SLC35D4: variants seen among roughly 807,000 people sequenced by gnomAD.
The protein encoded by SLC35D4 is UDP-N-acetylglucosamine transporter SLC35D4.
At chr18:23,383,821 C>T in the SLC35D4 span, among the ~76,000 whole-genome samples, 67 of 151,938 alleles carry the variant, frequency 4.4e-4, no homozygotes, top group Non-Finnish European at 8.8e-4. Context: ...AAGCCAGTGA[C>T]GAGGGAGAGG....
chr18:23,355,648 C>T, the SLC35D4 span, among the ~76,000 whole-genome samples: 1 of 151,396 alleles, frequency 6.6e-6, no homozygotes, highest in Non-Finnish European at 1.5e-5. Context: ...ACCCACTAGC[C>T]ACATAGCAGC....
At chr18:23,379,808 C>T in the SLC35D4 span, among the ~76,000 whole-genome samples, 1 of 152,010 alleles carries the variant, frequency 6.6e-6, no homozygotes, top group Non-Finnish European at 1.5e-5. Context: ...AGTCATGCTG[C>T]CAAAGGGCTA....
At chr18:23,414,226 C>G in the SLC35D4 span, among the ~76,000 whole-genome samples, 1 of 150,596 alleles carries the variant, frequency 6.6e-6, no homozygotes, top group South Asian at 2.1e-4. Flanking sequence ...TGCACTCCAG[C>G]CTGAGCAACA....
At chr18:23,391,461 C>T in the SLC35D4 span, among the ~76,000 whole-genome samples, 1 of 152,148 alleles carries the variant, frequency 6.6e-6, no homozygotes, top group Non-Finnish European at 1.5e-5. Flanking sequence ...CACTGAGTCA[C>T]CCAGCCTACC....
At chr18:23,428,292 A>G in the SLC35D4 span, among the ~76,000 whole-genome samples, 1 of 152,340 alleles carries the variant, frequency 6.6e-6, no homozygotes. Context: ...GATCATATGC[A>G]TAAGAAAATT....
At chr18:23,365,752 G>C in the SLC35D4 span, 1 of 1,523,152 alleles carries the variant, frequency 6.6e-7, no homozygotes, top group Non-Finnish European at 9.0e-7. Context: ...CTTGGAAATA[G>C]TTAAATATGC....
chr18:23,308,845 G>T, the SLC35D4 span, among the ~76,000 whole-genome samples: 1 of 131,992 alleles, frequency 7.6e-6, no homozygotes, highest in African/African-American at 3.0e-5. Context: ...CACAGCACGT[G>T]TTTTCTCTCT....
chr18:23,421,557 T>G, the SLC35D4 span: 1 of 842,208 alleles, frequency 1.2e-6, no homozygotes, highest in South Asian at 1.5e-5. Context: ...CTCTATTTAC[T>G]ACTCTTTTCT....
At chr18:23,335,654 C>G in the SLC35D4 span, among the ~76,000 whole-genome samples, 1 of 152,186 alleles carries the variant, frequency 6.6e-6, no homozygotes, top group Non-Finnish European at 1.5e-5. Context: ...CCACCTTTCT[C>G]TGTTTCTGAC....
the SLC35D4 span, among the ~76,000 whole-genome samples, chr18:23,343,928 C>T: frequency 9.9e-4 from 143 of 145,124 alleles, no homozygotes; most frequent in Non-Finnish European, 1.3e-3. Context: ...GATGGAGTTT[C>T]GCTCTTGTTG....
At chr18:23,320,012 G>T in the SLC35D4 span, among the ~76,000 whole-genome samples, 1 of 152,162 alleles carries the variant, frequency 6.6e-6, no homozygotes, top group South Asian at 2.1e-4. Context: ...TGTGGGGTTT[G>T]GGAGCTTCTT....
chr18:23,309,240 G>A, the SLC35D4 span, among the ~76,000 whole-genome samples: 1 of 150,914 alleles, frequency 6.6e-6, no homozygotes, highest in African/African-American at 2.4e-5. Context: ...GTGTGTGTGT[G>A]TGTGTGTGTG....
At chr18:23,435,166 A>G in the SLC35D4 span, among the ~76,000 whole-genome samples, 7 of 152,118 alleles carry the variant, frequency 4.6e-5, no homozygotes, top group African/African-American at 1.7e-4. Context: ...TCAGAAAAAA[A>G]AAAATTAGAA....
the SLC35D4 span, among the ~76,000 whole-genome samples, chr18:23,270,954 G>A: frequency 6.6e-6 from 1 of 152,196 alleles, no homozygotes; most frequent in African/African-American, 2.4e-5. Context: ...AGGCATGATT[G>A]GTTTTGAAAT....
chr18:23,358,001 C>T, the SLC35D4 span, among the ~76,000 whole-genome samples: 1 of 152,110 alleles, frequency 6.6e-6, no homozygotes, highest in South Asian at 2.1e-4. Context: ...ATTTAGTGTG[C>T]GAAGAGCGTG....
chr18:23,407,573 T>C, the SLC35D4 span, among the ~76,000 whole-genome samples: 3 of 141,872 alleles, frequency 2.1e-5, no homozygotes, highest in Non-Finnish European at 3.0e-5. Context: ...TCTTTCTCTT[T>C]ATCTCACACA....
chr18:23,252,457 C>T, the SLC35D4 span, among the ~76,000 whole-genome samples: 3 of 152,224 alleles, frequency 2.0e-5, no homozygotes, highest in Admixed American at 2.0e-4. Context: ...AGGCACTGTA[C>T]AGGGCACTTC....
the SLC35D4 span, among the ~76,000 whole-genome samples, chr18:23,435,489 AAAACAAAC>A: frequency 1.3e-5 from 2 of 152,224 alleles, no homozygotes; most frequent in Admixed American, 6.5e-5. Context: ...GGTGCTACAA[AAAACAAAC>A]AAACAAACAA....
chr18:23,362,741 C>T, the SLC35D4 span, among the ~76,000 whole-genome samples: 5 of 152,218 alleles, frequency 3.3e-5, no homozygotes, highest in African/African-American at 9.7e-5. Context: ...TGCTAGTCGC[C>T]TACTCTGCAT....
Sources: allele counts gnomAD v4.1 joint callset (sites outside exome capture counted in the v4.1 genomes callset), GRCh38; gene constraint gnomAD v4.1.1; transcripts MANE v1.5; gene names NCBI Gene and HGNC (gene_info 2026-07-23, HGNC 2026-07-21).